The following TMEM120B variants were observed in gnomAD, a reference collection of about 807,000 sequenced individuals.
TMEM120B encodes the protein transmembrane protein 120B.
A neutral mutation model predicts 55.5 loss-of-function variants in TMEM120B; 31 were observed. The ratio of observed to expected loss-of-function variants is 0.56; its 90% CI spans 0.42 to 0.75. The LOEUF is 0.75. Among genes scored for constraint, TMEM120B ranks in the 30% least tolerant of loss-of-function variants. TMEM120B has a pLI of 0.00. For missense variants in TMEM120B, 399 were observed against 425.5 expected (o/e 0.94, Z 0.55); for synonymous variants, 203 against 176.3 (o/e 1.15, Z -1.20).
chr12:121,745,331 C>T (rs1000239909), intron 2 of TMEM120B, among the ~76,000 whole-genome samples: 1 of 152,178 alleles, frequency 6.6e-6, no homozygotes, highest in Admixed American at 6.6e-5. Context: ...GCCTTTTTGT[C>T]TGTCTCTTGG....
rs138989776 is a variant in TMEM120B, at chr12:121,763,545, C to T, written c.551+1807C>T. Among the ~76,000 whole-genome samples, 573 of 152,196 alleles carry T rather than the reference C, an allele frequency of 3.8e-3. 8 individuals are homozygous for T. The highest frequency in any genetic ancestry group is 0.013 in the African/African-American group (544 of 41,520). Reference sequence around the variant, plus strand: ...TGCAACCTCTGCCTCCCAGTTGAAGCGATTCTTCTGTCTCAGCCTCCCGAG... The same window carrying T: ...TGCAACCTCTGCCTCCCAGTTGAAGTGATTCTTCTGTCTCAGCCTCCCGAG... On this transcript the variant is annotated intron_variant, in intron 6 of 11. Coordinates refer to ENST00000449592, the MANE Select transcript of TMEM120B (RefSeq NM_001080825.2).
chr12:121,781,078 C>A lies in TMEM120B; in HGVS notation c.*5356C>A. ...TGGGGCCACCACCCAGGAGGCCGGC[C>A]TCACCTTGATGAGGACGTTGTCGTA... On this transcript the variant is annotated 3_prime_UTR_variant, in exon 12 of 12. Coordinates refer to ENST00000449592, the MANE Select transcript of TMEM120B (RefSeq NM_001080825.2). 1.2e-6 allele frequency: 2 copies of A among 1,614,186 alleles called. No homozygotes were observed. Among genetic ancestry groups the A allele is most frequent in the South Asian group, 2.2e-5 (2 of 91,086 alleles).
At position 121,763,157 on chromosome 12, in the gene TMEM120B, C is replaced by CTTT. The variant is rs35941086; in HGVS notation, c.551+1440_551+1442dup. Among the ~76,000 whole-genome samples the CTTT allele has an allele frequency of 1.9e-3, 163 of 88,102 alleles. 3 individuals are homozygous for CTTT. In the East Asian group the frequency reaches 0.028, roughly 15 times the overall value. 57.8% of individuals were successfully genotyped at this position (88,102 alleles called of 152,430 possible). A position where few individuals can be genotyped will look rare whatever the true frequency, so the allele number is the denominator to read the frequency against. ...GGTGGCCATTGGAACCTCGGCATGCCTTTTTTTTTTTTTTTTTTTTTTTGA... is the reference window on the plus strand; with the variant it reads ...GGTGGCCATTGGAACCTCGGCATGCCTTTTTTTTTTTTTTTTTTTTTTTTTTGA... On this transcript the variant is annotated intron_variant, in intron 6 of 11. Coordinates refer to ENST00000449592, the MANE Select transcript of TMEM120B (RefSeq NM_001080825.2).
intron 1 of TMEM120B, among the ~76,000 whole-genome samples, chr12:121,742,083 A>G (rs1190669659): frequency 6.6e-6 from 1 of 150,924 alleles, no homozygotes; most frequent in African/African-American, 2.4e-5. Flanking sequence ...GCTCACTGCA[A>G]CCTCCGACTC....
chr12:121,771,382 C>A, intron 7 of TMEM120B, 106 bp from the exon 8 acceptor site: 1 of 1,010,990 alleles, frequency 9.9e-7, no homozygotes, highest in Non-Finnish European at 1.6e-6. Context: ...CTCAGTTTGA[C>A]TTTATACACC....
At chr12:121,749,649 T>C (rs1270496565) in intron 3 of TMEM120B, among the ~76,000 whole-genome samples, 1 of 152,220 alleles carries the variant, frequency 6.6e-6, no homozygotes, top group Non-Finnish European at 1.5e-5. Flanking sequence ...CTCATGCCTG[T>C]AATCCCAGCA....
chr12:121,724,917 T>C (rs1445199010), intron 1 of TMEM120B, among the ~76,000 whole-genome samples: 1 of 152,148 alleles, frequency 6.6e-6, no homozygotes, highest in Non-Finnish European at 1.5e-5. Context: ...GCCAACATAC[T>C]AAAAGTTTTA....
rs1245435488 is a variant in TMEM120B at position 121,773,442 on chromosome 12, A to G, written c.701A>G (p.Tyr234Cys). The G allele has an allele frequency of 6.2e-7, 1 of 1,610,614 alleles. No individual in the cohort carries two copies. Among genetic ancestry groups the G allele is most frequent in the East Asian group, 2.2e-5 (1 of 44,520 alleles). The change falls in exon 9 of 12, where the codon TAT becomes TGT. Residue 234 changes from tyrosine to cysteine, a missense_variant. Physicochemically the swap from Tyr to Cys is radical, Grantham distance 194. Coordinates refer to ENST00000449592, the MANE Select transcript of TMEM120B (RefSeq NM_001080825.2). The stretch of plus-strand genomic sequence containing the variant: ...GCAGGCTGCGTCCAGTTCCTGCAAT[A>G]TTATTACCAGAGGGGCTGCCTCTAC... Reference protein sequence around the residue: ...IFQSCVQFLQYYYQRGCLYRL... With the variant: ...IFQSCVQFLQCYYQRGCLYRL...
chr12:121,763,589 CGT>C (rs1566522801), intron 6 of TMEM120B, among the ~76,000 whole-genome samples: 1 of 152,104 alleles, frequency 6.6e-6, no homozygotes, highest in East Asian at 1.9e-4. Flanking sequence ...ATCACAGGTG[CGT>C]GCCACCACGC....
chr12:121,776,823 G>A lies in TMEM120B; in HGVS notation c.*1101G>A, dbSNP rs980697120. 1 of 151,738 alleles carries A rather than the reference G, an allele frequency of 6.6e-6. No homozygotes were observed. Among genetic ancestry groups the A allele is most frequent in the Non-Finnish European group, 1.5e-5 (1 of 67,992 alleles). The allele number at this position is 151,738 out of a possible 1,614,324, so 9.4% of individuals were successfully genotyped here. On this transcript the variant is annotated 3_prime_UTR_variant, in exon 12 of 12. Transcript: ENST00000449592. ...TTACTTTTTTTTTTTTTGAGACAGG[G>A]TCTGTTGCCTAGGCGGGAGTGCAGT...
Position 121,770,985 on chromosome 12 carries a change from T to C in TMEM120B, c.617+13T>C, listed in dbSNP as rs766484696. 1 of 1,613,162 alleles carries C rather than the reference T, an allele frequency of 6.2e-7. No homozygotes were observed. Among genetic ancestry groups the C allele is most frequent in the Non-Finnish European group, 8.5e-7 (1 of 1,179,618 alleles). ...TGATGCTGACCTGGTGAGTAGCCCC[T>C]CGCTGGGCCCCTCCAGCCTCCCAGG... On this transcript the variant is annotated intron_variant, in intron 7 of 11. Transcript: ENST00000449592.
chr12:121,715,795 T>C (rs1017893750), intron 1 of TMEM120B, among the ~76,000 whole-genome samples: 5 of 151,964 alleles, frequency 3.3e-5, no homozygotes, highest in African/African-American at 1.2e-4. Context: ...GCTGATTCCC[T>C]GGACGGGGGC....
chr12:121,723,729 T>C (rs2136998123), intron 1 of TMEM120B, among the ~76,000 whole-genome samples: 1 of 152,258 alleles, frequency 6.6e-6, no homozygotes, highest in East Asian at 1.9e-4. Flanking sequence ...TCTACCTCTT[T>C]GGCAGGGGCA....
In TMEM120B at chr12:121,776,195, A is replaced by C. The variant is rs1437273583; in HGVS notation, c.*473A>C. On this transcript the variant is annotated 3_prime_UTR_variant, in exon 12 of 12. Transcript: ENST00000449592. ...CCGGGGCCACTCTGCTTCTGCTGTG[A>C]GCCCCCTCCTCGCCCACCCCGCCAC... 1 of 303,056 alleles carries C rather than the reference A, an allele frequency of 3.3e-6. No homozygotes were observed. The highest frequency in any genetic ancestry group is 2.2e-5 in the African/African-American group (1 of 46,226). 18.8% of individuals were successfully genotyped at this position (303,056 alleles called of 1,614,324 possible).
intron 6 of TMEM120B, among the ~76,000 whole-genome samples, chr12:121,768,061 T>C (rs1365803331): frequency 6.6e-6 from 1 of 152,224 alleles, no homozygotes; most frequent in Non-Finnish European, 1.5e-5. Context: ...TCTGGCCAAC[T>C]GCCTTTGCTG....
At position 121,748,748 on chromosome 12, in the gene TMEM120B, C is replaced by T. The variant is rs571996995; in HGVS notation, c.305+306C>T. On this transcript the variant is annotated intron_variant, in intron 3 of 11. Coordinates refer to ENST00000449592, the MANE Select transcript of TMEM120B (RefSeq NM_001080825.2). ...CTCCCAGGAGAACAAACATGCATTG[C>T]GTGCCTCCTGCACGCTCAGAGCTGT... is the stretch of plus-strand genomic sequence containing the variant. Among the ~76,000 whole-genome samples, 81 of 152,318 alleles carry T rather than the reference C, an allele frequency of 5.3e-4. 1 individual carries two copies. The South Asian group carries it at 8.5e-3, about 16-fold the overall frequency.
At chr12:121,713,104 C>T (rs1023371395) in intron 1 of TMEM120B, 140 bp downstream of exon 1, 2 of 609,806 alleles carry the variant, frequency 3.3e-6, no homozygotes, top group Non-Finnish European at 5.3e-6. Context: ...GGACGGGAGG[C>T]ATGGACCAGC....
At chr12:121,767,957 G>T (rs572181677) in intron 6 of TMEM120B, among the ~76,000 whole-genome samples, 1 of 152,188 alleles carries the variant, frequency 6.6e-6, no homozygotes, top group East Asian at 1.9e-4. Flanking sequence ...GGAGTGTGGC[G>T]CCTGCCAAGT....
chr12:121,742,755 T>G (rs1283976452), intron 1 of TMEM120B, among the ~76,000 whole-genome samples: 6 of 152,106 alleles, frequency 3.9e-5, no homozygotes, highest in Non-Finnish European at 7.3e-5. Flanking sequence ...TTTTTACATT[T>G]TTAGTAGAGA....
Sources: allele counts gnomAD v4.1 joint callset (sites outside exome capture counted in the v4.1 genomes callset), GRCh38; gene constraint gnomAD v4.1.1; transcripts MANE v1.5; gene names NCBI Gene and HGNC (gene_info 2026-07-23, HGNC 2026-07-21).